PDE1A: variants seen among roughly 807,000 people sequenced by gnomAD.
PDE1A encodes the protein phosphodiesterase 1A.
Under a neutral mutation model 61.7 loss-of-function variants are expected in PDE1A, and 35 were observed. The observed-to-expected ratio is 0.57, with a 90% confidence interval of 0.43 to 0.75. The LOEUF (loss-of-function observed/expected upper bound fraction) is 0.75, where lower values mean the gene tolerates loss of function less well. Ranked by LOEUF, PDE1A falls within the 30% of genes least tolerant of loss-of-function variation. PDE1A has a pLI of 0.00. For synonymous variants in PDE1A, 232 were observed against 213.2 expected (o/e 1.09, Z -0.77); for missense variants, 597 against 630.6 (o/e 0.95, Z 0.57).
chr2:182,460,536 C>T (rs1186189515), intron 2 of PDE1A, among the ~76,000 whole-genome samples: 1 of 152,128 alleles, frequency 6.6e-6, no homozygotes, highest in African/African-American at 2.4e-5. Context: ...CACCACCGCA[C>T]CCTGATTGCA....
chr2:182,334,111 C>G (rs139089868), intron 1 of PDE1A, among the ~76,000 whole-genome samples: 2,475 of 151,886 alleles, frequency 0.016, 62 homozygotes, highest in African/African-American at 0.057. Flanking sequence ...CAAAAAAAAC[C>G]CAGGACCAGA....
chr2:182,201,427 T>C lies in PDE1A; in HGVS notation c.1125+12A>G. 1 of 1,612,982 alleles carries C rather than the reference T, an allele frequency of 6.2e-7. No homozygotes were observed. Among genetic ancestry groups the C allele is most frequent in the Non-Finnish European group, 8.5e-7 (1 of 1,179,500 alleles). Reference sequence around the variant, plus strand: ...TTTCCAAAAACATTTGCACAGAGTGTGAAAGAGGCACCTGCAGGAAAAACT... The same window carrying C: ...TTTCCAAAAACATTTGCACAGAGTGCGAAAGAGGCACCTGCAGGAAAAACT... On this transcript the variant is annotated intron_variant, in intron 10 of 13. Coordinates refer to ENST00000351439, the Ensembl canonical transcript of PDE1A.
chr2:182,601,399 C>T, the PDE1A span, among the ~76,000 whole-genome samples: 3 of 152,224 alleles, frequency 2.0e-5, no homozygotes, highest in Admixed American at 1.3e-4. Context: ...AACCATAGGG[C>T]CTCAAAGAGG....
At chr2:182,700,903 G>C in the PDE1A span, among the ~76,000 whole-genome samples, 2 of 151,624 alleles carry the variant, frequency 1.3e-5, no homozygotes, top group Non-Finnish European at 2.9e-5. Context: ...AGTGACAGAG[G>C]GAGATTATAT....
intron 2 of PDE1A, among the ~76,000 whole-genome samples, chr2:182,513,003 A>T (rs1308472573): frequency 6.6e-6 from 1 of 152,216 alleles, no homozygotes; most frequent in Non-Finnish European, 1.5e-5. Context: ...AGGGAGAGAG[A>T]GCAAGCAACT....
At chr2:182,516,742 A>AAGGAAGGAAGGAAGGAAGGAAGGG (rs1690193662) in intron 2 of PDE1A, among the ~76,000 whole-genome samples, 1 of 143,490 alleles carries the variant, frequency 7.0e-6, no homozygotes, top group Non-Finnish European at 1.5e-5. Flanking sequence ...GGAAGGAAGG[A>AAGGAAGGAAGGAAGGAAGGAAGGG]AAAAGAGAGA....
chr2:182,584,318 T>C, the PDE1A span, among the ~76,000 whole-genome samples: 1 of 152,068 alleles, frequency 6.6e-6, no homozygotes, highest in Non-Finnish European at 1.5e-5. Flanking sequence ...TCTCTGTTAG[T>C]TAAAAAGGCA....
intron 1 of PDE1A, among the ~76,000 whole-genome samples, chr2:182,356,220 G>A (rs983999083): frequency 2.0e-5 from 3 of 152,106 alleles, no homozygotes; most frequent in African/African-American, 7.2e-5. Flanking sequence ...TGAGGCAGGA[G>A]GATCACTTGA....
At chr2:182,688,957 C>T in the PDE1A span, among the ~76,000 whole-genome samples, 1 of 152,186 alleles carries the variant, frequency 6.6e-6, no homozygotes, top group Non-Finnish European at 1.5e-5. Context: ...ATAAAGGGAT[C>T]AATTCAACAA....
chr2:182,189,960 T>A (rs769446360), intron 10 of PDE1A, among the ~76,000 whole-genome samples: 1 of 152,266 alleles, frequency 6.6e-6, no homozygotes, highest in African/African-American at 2.4e-5. Context: ...TATACCTTCA[T>A]GAGCAACACC....
chr2:182,436,794 A>G (rs1684452425), intron 2 of PDE1A, among the ~76,000 whole-genome samples: 1 of 152,002 alleles, frequency 6.6e-6, no homozygotes, highest in Non-Finnish European at 1.5e-5. Context: ...ATAATTTGCC[A>G]AAGACTATAT....
At position 182,195,711 on chromosome 2, in the gene PDE1A, T is replaced by TA. The variant is rs1686080821; in HGVS notation, c.1125+5727dup. ...AGACATATATTTGCAAATTGCTTTG[T>TA]AAAAGTGCTGTTTTCACTGTCCGAG... On this transcript the variant is annotated intron_variant, in intron 10 of 13. Transcript: ENST00000351439. 3.3e-5 allele frequency among the ~76,000 whole-genome samples: 5 copies of TA among 152,198 alleles called. No individual in the cohort carries two copies. In the South Asian group the frequency reaches 1.0e-3, roughly 32 times the overall value.
chr2:182,686,286 T>C, the PDE1A span, among the ~76,000 whole-genome samples: 332 of 152,330 alleles, frequency 2.2e-3, 1 homozygote, highest in African/African-American at 7.7e-3. Flanking sequence ...TTTCCTAGGG[T>C]TAAACTATCT....
intron 1 of PDE1A, among the ~76,000 whole-genome samples, chr2:182,267,429 GCACA>G (rs67567300): frequency 0.01 from 1,486 of 146,800 alleles, 23 homozygotes; most frequent in African/African-American, 0.03. Context: ...ATGCACACAT[GCACA>G]CACACACACA....
At chr2:182,340,726 C>T (rs1199433710) in intron 1 of PDE1A, among the ~76,000 whole-genome samples, 10 of 152,032 alleles carry the variant, frequency 6.6e-5, no homozygotes, top group Non-Finnish European at 1.2e-4. Context: ...GGAAGTTAAC[C>T]GAAATCTGGG....
At chr2:182,616,799 C>T in the PDE1A span, among the ~76,000 whole-genome samples, 2 of 152,278 alleles carry the variant, frequency 1.3e-5, no homozygotes, top group African/African-American at 4.8e-5. Context: ...AAATCAGAAT[C>T]TCTGGGGACA....
chr2:182,510,409 C>T (rs1471848516), intron 2 of PDE1A, among the ~76,000 whole-genome samples: 4 of 152,122 alleles, frequency 2.6e-5, no homozygotes, highest in Non-Finnish European at 4.4e-5. Context: ...CTTTCATATC[C>T]AAAAGGCCTA....
At chr2:182,450,032 A>T (rs1185904507) in intron 2 of PDE1A, among the ~76,000 whole-genome samples, 1 of 152,150 alleles carries the variant, frequency 6.6e-6, no homozygotes, top group East Asian at 1.9e-4. Flanking sequence ...AGCTAAAATT[A>T]TTTTTAGGTT....
At chr2:182,151,072 A>G (rs1690751561) in intron 13 of PDE1A, among the ~76,000 whole-genome samples, 1 of 152,124 alleles carries the variant, frequency 6.6e-6, no homozygotes, top group Admixed American at 6.6e-5. Context: ...ACTTCCCTGA[A>G]TCCTCACAGC....
Sources: allele counts gnomAD v4.1 joint callset (sites outside exome capture counted in the v4.1 genomes callset), GRCh38; gene constraint gnomAD v4.1.1; transcripts MANE v1.5; gene names NCBI Gene and HGNC (gene_info 2026-07-23, HGNC 2026-07-21).